The following GDPD1 variants were observed in gnomAD, a reference collection of about 807,000 sequenced individuals.
GDPD1 encodes glycerophosphodiester phosphodiesterase domain containing 1.
In GDPD1, 28 loss-of-function variants were observed where a neutral mutation model predicts 45.1. That is an observed-to-expected ratio of 0.62 (90% CI 0.46 to 0.85). The LOEUF (loss-of-function observed/expected upper bound fraction) is 0.85, where lower values mean the gene tolerates loss of function less well. Ranked by LOEUF, GDPD1 falls within the 40% of genes least tolerant of loss-of-function variation. The pLI is 0.00. For missense variants in GDPD1, 256 were observed against 364.8 expected (o/e 0.70, Z 2.43); for synonymous variants, 139 against 131.4 (o/e 1.06, Z -0.40).
Position 59,238,834 on chromosome 17 carries a change from G to A in GDPD1, c.185+4300G>A, listed in dbSNP as rs375675546. On this transcript the variant is annotated intron_variant, in intron 2 of 9. Coordinates refer to ENST00000284116, the MANE Select transcript of GDPD1 (RefSeq NM_182569.4). Reference sequence around the variant, plus strand: ...GCTTACTGAATGAAATATGGAATGGGACATTCAGGAATAAAGCAGAACATT... The same window carrying A: ...GCTTACTGAATGAAATATGGAATGGAACATTCAGGAATAAAGCAGAACATT... 8.5e-5 allele frequency among the ~76,000 whole-genome samples: 13 copies of A among 152,244 alleles called. No homozygotes were observed. The South Asian group carries it at 2.7e-3, about 32-fold the overall frequency.
rs942416287 is a variant in GDPD1, at chr17:59,230,370, A to ATTTT, written c.143-4095_143-4092dup. 2.5e-3 allele frequency among the ~76,000 whole-genome samples: 198 copies of ATTTT among 80,078 alleles called. 27 individuals are homozygous for ATTTT. The highest frequency in any genetic ancestry group is 1.0e-2 in the African/African-American group (148 of 14,828). 52.5% of individuals were successfully genotyped at this position (80,078 alleles called of 152,430 possible). On this transcript the variant is annotated intron_variant, in intron 1 of 9. Coordinates refer to ENST00000284116, the MANE Select transcript of GDPD1 (RefSeq NM_182569.4). ...GAATATTGAACAGGCCAGTTGTAGAATTTTTTTTTTTTTTTTTTTTTTTTT... is the reference window on the plus strand; with the variant it reads ...GAATATTGAACAGGCCAGTTGTAGAATTTTTTTTTTTTTTTTTTTTTTTTTTTTT...
intron 1 of GDPD1, among the ~76,000 whole-genome samples, chr17:59,224,639 ACAAAAAAC>A (rs1568336480): frequency 6.9e-6 from 1 of 144,126 alleles, no homozygotes. Context: ...AAAAAAAAAA[ACAAAAAAC>A]AAAAACAAAA....
Position 59,273,737 on chromosome 17 carries a change from A to G in GDPD1, c.909A>G (p.Thr303=). The G allele has an allele frequency of 6.3e-7, 1 of 1,586,652 alleles. No homozygotes were observed. Among genetic ancestry groups the G allele is most frequent in the Middle Eastern group, 1.7e-4 (1 of 5,940 alleles). ...CTGGGGTGATGACAGACTATCCAAC[A>G]AAGCTTAGGGATTTTTTACATAACT... The part of the protein sequence containing the change: ...GATGVMTDYP[T]KLRDFLHNFS... The change falls in exon 10 of 10, where the codon ACA becomes ACG. Residue 303 remains threonine, a synonymous_variant. Coordinates refer to ENST00000284116, the MANE Select transcript of GDPD1 (RefSeq NM_182569.4).
At chr17:59,250,482 G>A (rs2047244392) in intron 4 of GDPD1, among the ~76,000 whole-genome samples, 1 of 151,964 alleles carries the variant, frequency 6.6e-6, no homozygotes, top group Non-Finnish European at 1.5e-5. Context: ...AGTCATGGTG[G>A]AATATGCCTA....
chr17:59,238,903 G>A (rs2047155071), intron 2 of GDPD1, among the ~76,000 whole-genome samples: 2 of 152,110 alleles, frequency 1.3e-5, no homozygotes, highest in Admixed American at 6.6e-5. Flanking sequence ...TCATAGTAAA[G>A]CACAGAAGCA....
In GDPD1 at chr17:59,274,095, A is replaced by T. The variant is rs1357486064; in HGVS notation, c.*322A>T. ...TAACATACACAGAAATGTACATACT[A>T]CATCATCTACAGAAATCTTGATCAA... On this transcript the variant is annotated 3_prime_UTR_variant, in exon 10 of 10. Transcript: ENST00000284116. 2.2e-5 allele frequency: 17 copies of T among 756,392 alleles called. No homozygotes were observed. The highest frequency in any genetic ancestry group is 5.7e-5 in the African/African-American group (3 of 52,614). The allele number at this position is 756,392 out of a possible 1,614,324, so 46.9% of individuals were successfully genotyped here.
intron 3 of GDPD1, 111 bp downstream of exon 3, chr17:59,245,660 T>A (rs181452317): frequency 1.8e-5 from 14 of 774,354 alleles, no homozygotes; most frequent in Non-Finnish European, 2.6e-5. Flanking sequence ...TAAATACTGA[T>A]TAAATACTAA....
intron 1 of GDPD1, among the ~76,000 whole-genome samples, chr17:59,233,126 G>C (rs1207792933): frequency 6.6e-6 from 1 of 152,182 alleles, no homozygotes; most frequent in Admixed American, 6.6e-5. Flanking sequence ...TGGGGCACAA[G>C]AATCACTTGA....
intron 9 of GDPD1, 34 bp downstream of exon 9, chr17:59,272,870 C>T: frequency 6.2e-7 from 1 of 1,613,522 alleles, no homozygotes; most frequent in Non-Finnish European, 8.5e-7. Context: ...TTGGAAGCAG[C>T]ATAGCTCACC....
At chr17:59,231,214 A>G (rs2047086541) in intron 1 of GDPD1, among the ~76,000 whole-genome samples, 1 of 152,192 alleles carries the variant, frequency 6.6e-6, no homozygotes. Context: ...ATTCTCATCA[A>G]AAATAATGTT....
intron 4 of GDPD1, among the ~76,000 whole-genome samples, chr17:59,251,595 AAAT>A (rs2047254563): frequency 6.6e-6 from 1 of 152,158 alleles, no homozygotes; most frequent in Non-Finnish European, 1.5e-5. Context: ...CATCTGAAAG[AAAT>A]AATAATAAGC....
At chr17:59,235,590 G>T (rs1170306412) in intron 2 of GDPD1, among the ~76,000 whole-genome samples, 1 of 152,100 alleles carries the variant, frequency 6.6e-6, no homozygotes, top group African/African-American at 2.4e-5. Flanking sequence ...GGCGAGGCAG[G>T]TTAATCACCT....
intron 6 of GDPD1, among the ~76,000 whole-genome samples, chr17:59,265,901 C>CAA (rs60404339): frequency 2.1e-4 from 17 of 80,366 alleles, no homozygotes; most frequent in South Asian, 4.6e-4. Context: ...GACCTTATCT[C>CAA]AAAAAAAAAA....
At chr17:59,232,630 A>G (rs2047100282) in intron 1 of GDPD1, among the ~76,000 whole-genome samples, 1 of 152,182 alleles carries the variant, frequency 6.6e-6, no homozygotes, top group Admixed American at 6.6e-5. Context: ...TTAACATGGC[A>G]TAAAAAGTGC....
chr17:59,260,493 G>A (rs1256009023), intron 6 of GDPD1, among the ~76,000 whole-genome samples: 1 of 151,858 alleles, frequency 6.6e-6, no homozygotes, highest in Non-Finnish European at 1.5e-5. Flanking sequence ...AATGAGCTGG[G>A]ATCGCACCAC....
In GDPD1 at chr17:59,275,868, G is replaced by A. The variant is rs1568354458; in HGVS notation, c.*2095G>A. 1.3e-5 allele frequency: 2 copies of A among 152,332 alleles called. No individual in the cohort carries two copies. Among genetic ancestry groups the A allele is most frequent in the East Asian group, 1.9e-4 (1 of 5,194 alleles). The allele number at this position is 152,332 out of a possible 1,614,324, so 9.4% of individuals were successfully genotyped here. A position where few individuals can be genotyped will look rare whatever the true frequency, so the allele number is the denominator to read the frequency against. On this transcript the variant is annotated 3_prime_UTR_variant, in exon 10 of 10. Transcript: ENST00000284116. ...CATCTCTCATTTGGAGTTTGGCAAT[G>A]AAACTGCTATGAAGAATGACTGTAC...
At chr17:59,265,799 C>T (rs2047394343) in intron 6 of GDPD1, among the ~76,000 whole-genome samples, 2 of 148,080 alleles carry the variant, frequency 1.4e-5, no homozygotes, top group Non-Finnish European at 3.0e-5. Flanking sequence ...TATTACAACT[C>T]AGGAGGCTGA....
intron 1 of GDPD1, among the ~76,000 whole-genome samples, chr17:59,234,097 G>A (rs1249374662): frequency 4.0e-5 from 6 of 151,844 alleles, no homozygotes; most frequent in Non-Finnish European, 8.8e-5. Context: ...TAAAACACTT[G>A]TACACTTTGG....
Position 59,220,766 on chromosome 17 carries a change from C to T in GDPD1, c.142+15C>T. On this transcript the variant is annotated intron_variant, in intron 1 of 9. Coordinates refer to ENST00000284116, the MANE Select transcript of GDPD1 (RefSeq NM_182569.4). Reference sequence around the variant, plus strand: ...TCACCGCGGAGGTGAGAGGGGTCCCCAGAACCCGATGACGGAGGTGGGGGA... The same window carrying T: ...TCACCGCGGAGGTGAGAGGGGTCCCTAGAACCCGATGACGGAGGTGGGGGA... The T allele has an allele frequency of 6.2e-7, 1 of 1,609,340 alleles. No individual in the cohort carries two copies.
Sources: gnomAD v4.1 joint callset for allele counts (sites outside exome capture counted in the v4.1 genomes callset) on GRCh38, gnomAD v4.1.1 for gene constraint, MANE v1.5 for transcripts, NCBI Gene and HGNC (gene_info 2026-07-23, HGNC 2026-07-21) for gene names.